The following ELMO1 variants were observed in gnomAD, a reference collection of about 807,000 sequenced individuals.
ELMO1 encodes the protein engulfment and cell motility protein 1.
ELMO1 carries 26 observed loss-of-function variants against 98.9 expected under a neutral mutation model. The ratio of observed to expected loss-of-function variants is 0.26; its 90% CI spans 0.19 to 0.36. The LOEUF is 0.36. Ranked by LOEUF, ELMO1 falls within the 10% of genes least tolerant of loss-of-function variation. The pLI, the probability that ELMO1 is intolerant of heterozygous loss-of-function variation, is 1.00. For synonymous variants in ELMO1, 346 were observed against 346.0 expected, an observed-to-expected ratio of 1.00 and a Z score of 0.00; for missense variants, 627 against 935.2, an observed-to-expected ratio of 0.67 and a Z score of 4.30.
chr7:37,288,735 C>T (rs78613013), intron 4 of ELMO1, among the ~76,000 whole-genome samples: 3,518 of 152,278 alleles, frequency 0.023, 152 homozygotes, highest in African/African-American at 0.08. Flanking sequence ...TTTTGACACT[C>T]ATATGGTTGG....
intron 4 of ELMO1, among the ~76,000 whole-genome samples, chr7:37,280,486 G>A (rs1005659117): frequency 1.3e-5 from 2 of 151,110 alleles, no homozygotes; most frequent in Admixed American, 1.3e-4. Flanking sequence ...AATCTACAAC[G>A]AATTCAAACA....
intron 2 of ELMO1, among the ~76,000 whole-genome samples, chr7:37,341,670 G>A (rs934188367): frequency 2.0e-5 from 3 of 152,032 alleles, no homozygotes; most frequent in Admixed American, 6.6e-5. Context: ...TATAACTCTC[G>A]CATTGATCTG....
intron 4 of ELMO1, among the ~76,000 whole-genome samples, chr7:37,279,017 T>C (rs540099505): frequency 3.2e-4 from 49 of 151,962 alleles, no homozygotes; most frequent in African/African-American, 9.7e-4. Context: ...CTGGGCAACA[T>C]GGTGAAACCC....
At chr7:36,894,335 C>T (rs975237871) in intron 17 of ELMO1, among the ~76,000 whole-genome samples, 5 of 152,200 alleles carry the variant, frequency 3.3e-5, no homozygotes, top group African/African-American at 1.2e-4. Context: ...GTCATGAGGG[C>T]CATATAGCAT....
intron 13 of ELMO1, among the ~76,000 whole-genome samples, chr7:37,172,217 T>C (rs1790212582): frequency 6.6e-6 from 1 of 152,134 alleles, no homozygotes; most frequent in Non-Finnish European, 1.5e-5. Flanking sequence ...CTTGTCAACT[T>C]CATTTCTGTT....
At chr7:37,053,285 A>AACACACACACACAC (rs59573752) in intron 15 of ELMO1, among the ~76,000 whole-genome samples, 73 of 138,868 alleles carry the variant, frequency 5.3e-4, no homozygotes, top group African/African-American at 1.7e-3. Context: ...CATTTGTTAA[A>AACACACACACACAC]ACACACACAC....
intron 14 of ELMO1, among the ~76,000 whole-genome samples, chr7:37,115,753 G>GA (rs200879941): frequency 1.3e-3 from 141 of 108,682 alleles, no homozygotes; most frequent in East Asian, 4.0e-3. Flanking sequence ...AGTGCAATAA[G>GA]AAAAAAAAAA....
At chr7:37,340,549 G>A (rs1366701324) in intron 2 of ELMO1, among the ~76,000 whole-genome samples, 2 of 152,126 alleles carry the variant, frequency 1.3e-5, no homozygotes, top group South Asian at 2.1e-4. Context: ...TGGAAAATCC[G>A]GTGAAATCCA....
At chr7:37,025,905 CTAT>C (rs1794545850) in intron 15 of ELMO1, among the ~76,000 whole-genome samples, 2 of 148,566 alleles carry the variant, frequency 1.3e-5, no homozygotes, top group Non-Finnish European at 3.0e-5. Flanking sequence ...TTCTATCTAT[CTAT>C]CTATCTATCT....
At chr7:36,943,875 T>C (rs1584411528) in intron 16 of ELMO1, among the ~76,000 whole-genome samples, 1 of 152,196 alleles carries the variant, frequency 6.6e-6, no homozygotes, top group Non-Finnish European at 1.5e-5. Flanking sequence ...TAACTTCTGC[T>C]CTGAGGGTGG....
At chr7:37,174,230 G>A (rs1206773139) in intron 13 of ELMO1, among the ~76,000 whole-genome samples, 1 of 152,036 alleles carries the variant, frequency 6.6e-6, no homozygotes, top group Non-Finnish European at 1.5e-5. Context: ...ATGCCCAGCG[G>A]TCATCTCACG....
intron 13 of ELMO1, among the ~76,000 whole-genome samples, chr7:37,177,217 G>A (rs1790543754): frequency 6.6e-6 from 1 of 152,182 alleles, no homozygotes; most frequent in South Asian, 2.1e-4. Context: ...TCTGTGCCCT[G>A]TCAAGAAAAC....
chr7:36,931,536 G>T (rs147712397), intron 16 of ELMO1, among the ~76,000 whole-genome samples: 2 of 152,210 alleles, frequency 1.3e-5, no homozygotes, highest in African/African-American at 4.8e-5. Context: ...GGGAGGCGGA[G>T]GTTGCAGTGA....
At chr7:37,217,837 G>A (rs1793380182) in intron 10 of ELMO1, 2 of 456,178 alleles carry the variant, frequency 4.4e-6, no homozygotes, top group African/African-American at 4.0e-5. Context: ...TCTGTTAGAG[G>A]TTGACCACTG....
At chr7:37,404,334 T>A (rs1204463813) in intron 1 of ELMO1, among the ~76,000 whole-genome samples, 2 of 152,102 alleles carry the variant, frequency 1.3e-5, no homozygotes, top group Non-Finnish European at 2.9e-5. Context: ...CTGCATGCTG[T>A]CTCATACAGG....
rs138499799 is a variant in ELMO1 at position 37,445,185 on chromosome 7, G to A, written c.-74+3490C>T. Among the ~76,000 whole-genome samples, 221 of 152,298 alleles carry A rather than the reference G, an allele frequency of 1.5e-3. 3 individuals carry two copies. Among genetic ancestry groups the A allele is most frequent in the African/African-American group, 5.2e-3 (215 of 41,552 alleles). ...CATGATCCGCTCATGGGTTACAGCCGTAAGCTTAAAAAGCACTTCTCTGGT... is the reference window on the plus strand; with the variant it reads ...CATGATCCGCTCATGGGTTACAGCCATAAGCTTAAAAAGCACTTCTCTGGT... On this transcript the variant is annotated intron_variant, in intron 1 of 21. Transcript: ENST00000310758.
chr7:36,958,730 T>C (rs1788676713), intron 16 of ELMO1, among the ~76,000 whole-genome samples: 1 of 152,144 alleles, frequency 6.6e-6, no homozygotes, highest in Non-Finnish European at 1.5e-5. Flanking sequence ...TGCATACTTC[T>C]TGCCTCCTAG....
chr7:37,022,307 AAT>A (rs1794316674), intron 15 of ELMO1, among the ~76,000 whole-genome samples: 1 of 152,212 alleles, frequency 6.6e-6, no homozygotes, highest in Non-Finnish European at 1.5e-5. Context: ...GCAACTTTGG[AAT>A]AGAGAAAAAA....
At chr7:37,382,916 G>T (rs1802638653) in intron 1 of ELMO1, among the ~76,000 whole-genome samples, 1 of 152,140 alleles carries the variant, frequency 6.6e-6, no homozygotes, top group Non-Finnish European at 1.5e-5. Context: ...AGGGCCCCAG[G>T]CCCAGAACCT....
Sources: allele counts gnomAD v4.1 joint callset (sites outside exome capture counted in the v4.1 genomes callset), GRCh38; gene constraint gnomAD v4.1.1; transcripts MANE v1.5; gene names NCBI Gene and HGNC (gene_info 2026-07-23, HGNC 2026-07-21).